The following FSD1L variants were observed in gnomAD, a reference collection of about 807,000 sequenced individuals.
FSD1L encodes the protein fibronectin type III and SPRY domain containing 1 like.
A neutral mutation model predicts 71.6 loss-of-function variants in FSD1L; 45 were observed. The observed-to-expected ratio is 0.63, with a 90% CI of 0.49 to 0.81. The LOEUF (loss-of-function observed/expected upper bound fraction) is 0.81, where lower values mean the gene tolerates loss of function less well. FSD1L is among the 30% of genes least tolerant of loss of function. The probability of loss-of-function intolerance (pLI) is 0.00; values close to 1 mark genes in which losing one functional copy is unlikely to be tolerated. For missense variants in FSD1L, 561 were observed against 618.1 expected (o/e 0.91, Z 0.98); for synonymous variants, 197 against 207.2 (o/e 0.95, Z 0.42).
At chr9:105,486,519 C>T (rs1402155041) in intron 7 of FSD1L, among the ~76,000 whole-genome samples, 1 of 151,978 alleles carries the variant, frequency 6.6e-6, no homozygotes, top group African/African-American at 2.4e-5. Flanking sequence ...GAATATATCT[C>T]CAAATGTGAA....
upstream of FSD1L, among the ~76,000 whole-genome samples, chr9:105,443,357 T>C (rs1368678693): frequency 7.1e-6 from 1 of 139,888 alleles, no homozygotes; most frequent in Non-Finnish European, 1.5e-5. Flanking sequence ...CTCATTTTCA[T>C]AAAACCATCA....
At chr9:105,508,103 A>AGG (rs1430270006) in intron 8 of FSD1L, among the ~76,000 whole-genome samples, 2 of 151,260 alleles carry the variant, frequency 1.3e-5, no homozygotes, top group Non-Finnish European at 2.9e-5. Context: ...TCCTGACCTC[A>AGG]GGTTCGGGAG....
At chr9:105,488,660 A>G (rs1423741434) in intron 7 of FSD1L, among the ~76,000 whole-genome samples, 1 of 152,108 alleles carries the variant, frequency 6.6e-6, no homozygotes, top group African/African-American at 2.4e-5. Context: ...GTTGCTTCAC[A>G]TTTTCACCAA....
At chr9:105,523,959 G>T in intron 10 of FSD1L, 1 of 1,591,060 alleles carries the variant, frequency 6.3e-7, no homozygotes, top group East Asian at 2.2e-5. Context: ...AGAAGCACAA[G>T]TTCTTCTGGG....
chr9:105,468,683 C>CG (rs1831234039), intron 4 of FSD1L, among the ~76,000 whole-genome samples: 1 of 151,818 alleles, frequency 6.6e-6, no homozygotes, highest in Non-Finnish European at 1.5e-5. Context: ...TTAGTAGAGA[C>CG]GGGGTTTCAC....
intron 3 of FSD1L, 23 bp from the exon 4 acceptor site, chr9:105,468,170 G>A (rs1588946072): frequency 7.4e-7 from 1 of 1,354,970 alleles, no homozygotes; most frequent in Non-Finnish European, 9.5e-7. Context: ...CAGTAAAATT[G>A]TTTTGTTTTG....
chr9:105,512,356 TATTAA>T (rs992635393), intron 9 of FSD1L, among the ~76,000 whole-genome samples: 61 of 152,214 alleles, frequency 4.0e-4, no homozygotes, highest in African/African-American at 1.3e-3. Context: ...GGTATGAAAT[TATTAA>T]ATATTAGAGT....
intron 5 of FSD1L, chr9:105,473,015 G>A (rs889772656): frequency 2.6e-5 from 4 of 152,138 alleles, no homozygotes; most frequent in African/African-American, 9.7e-5. Flanking sequence ...TTAAAAGTAT[G>A]ATATGTTGGC....
At chr9:105,449,991 AT>A (rs909779643) in intron 1 of FSD1L, among the ~76,000 whole-genome samples, 26 of 152,354 alleles carry the variant, frequency 1.7e-4, no homozygotes, top group African/African-American at 6.3e-4. Flanking sequence ...ATTAGAAAAT[AT>A]GTTGAATTTC....
At chr9:105,446,353 T>C (rs916674539), upstream of FSD1L, among the ~76,000 whole-genome samples, 4 of 144,636 alleles carry the variant, frequency 2.8e-5, no homozygotes, top group South Asian at 2.1e-4. Flanking sequence ...CCCAATTCTC[T>C]GAATCCATTT....
At chr9:105,522,188 A>G in intron 10 of FSD1L, 4 of 1,613,882 alleles carry the variant, frequency 2.5e-6, no homozygotes, top group Non-Finnish European at 3.4e-6. Context: ...GGGATGACTT[A>G]CTGTCAGTAT....
intron 7 of FSD1L, among the ~76,000 whole-genome samples, chr9:105,490,545 A>G (rs1044943700): frequency 2.7e-5 from 4 of 149,622 alleles, no homozygotes; most frequent in Non-Finnish European, 5.9e-5. Flanking sequence ...TTTTGTTGCC[A>G]TTGCTTTTGG....
At chr9:105,521,873 T>C (rs1031789500) in intron 10 of FSD1L, 2 of 1,612,404 alleles carry the variant, frequency 1.2e-6, no homozygotes, top group African/African-American at 1.3e-5. Context: ...ATATATTTCT[T>C]CTTGAACCTG....
intron 10 of FSD1L, among the ~76,000 whole-genome samples, chr9:105,527,177 T>C (rs947054623): frequency 3.5e-5 from 5 of 144,408 alleles, no homozygotes; most frequent in African/African-American, 7.8e-5. Context: ...TGCTGAACTT[T>C]TATGTTTAGC....
chr9:105,544,003 G>A (rs1283770863), intron 13 of FSD1L, among the ~76,000 whole-genome samples: 10 of 152,130 alleles, frequency 6.6e-5, no homozygotes, highest in Admixed American at 5.2e-4. Context: ...CTGAGGAATC[G>A]CCACACTGTC....
At chr9:105,470,978 A>G (rs142470410) in intron 4 of FSD1L, among the ~76,000 whole-genome samples, 20 of 152,244 alleles carry the variant, frequency 1.3e-4, no homozygotes, top group African/African-American at 4.8e-4. Context: ...CCACTTTGGA[A>G]TGGCCTTTAA....
At chr9:105,482,576 T>C (rs1175264111) in intron 6 of FSD1L, among the ~76,000 whole-genome samples, 3 of 152,222 alleles carry the variant, frequency 2.0e-5, no homozygotes, top group Non-Finnish European at 2.9e-5. Context: ...CTAATGAATT[T>C]TAGATGTTTA....
rs368907050 is a variant in FSD1L, at chr9:105,505,497, G to A, written c.587-902G>A. ...GCTGGTCTCGAACTCCTGACCTCGT[G>A]ATCTGCCTGCCTTGGCCTCCCAAAG... is the stretch of plus-strand genomic sequence containing the variant. On this transcript the variant is annotated intron_variant, in intron 7 of 13. Transcript: ENST00000481272. Among the ~76,000 whole-genome samples, 4 of 152,294 alleles carry A rather than the reference G, an allele frequency of 2.6e-5. No individual in the cohort carries two copies. In the South Asian group the frequency reaches 6.2e-4, roughly 24 times the overall value.
intron 1 of FSD1L, among the ~76,000 whole-genome samples, chr9:105,450,294 T>G (rs1052782862): frequency 6.6e-6 from 1 of 152,064 alleles, no homozygotes; most frequent in Non-Finnish European, 1.5e-5. Context: ...GTCAGTAGAG[T>G]ATAAGAAAAA....
Sources: allele counts gnomAD v4.1 joint callset (sites outside exome capture counted in the v4.1 genomes callset), GRCh38; gene constraint gnomAD v4.1.1; transcripts MANE v1.5; gene names NCBI Gene and HGNC (gene_info 2026-07-23, HGNC 2026-07-21).